The following NTRK3 variants were observed in gnomAD, a reference collection of about 807,000 sequenced individuals.
The protein encoded by NTRK3 is neurotrophic receptor tyrosine kinase 3.
NTRK3 carries 24 observed loss-of-function variants against 91.7 expected under a neutral mutation model. That is an observed-to-expected ratio of 0.26 (90% CI 0.19 to 0.37). The LOEUF (loss-of-function observed/expected upper bound fraction) is 0.37. Among genes scored for constraint, NTRK3 ranks in the 10% least tolerant of loss-of-function variants. NTRK3 has a pLI of 1.00. For synonymous variants in NTRK3, 483 were observed against 404.0 expected, an observed-to-expected ratio of 1.20 and a Z score of -2.34; for missense variants, 880 against 1,068.9, an observed-to-expected ratio of 0.82 and a Z score of 2.46.
At chr15:87,951,233 C>G (rs2071077617) in intron 14 of NTRK3, among the ~76,000 whole-genome samples, 2 of 152,210 alleles carry the variant, frequency 1.3e-5, no homozygotes, top group Admixed American at 1.3e-4. Context: ...TCCTGATCTT[C>G]TCTTTCTCTC....
At chr15:87,933,281 T>G in intron 15 of NTRK3, 97 bp from the exon 16 acceptor site, 267 of 1,133,354 alleles carry the variant, frequency 2.4e-4, no homozygotes, top group Middle Eastern at 4.2e-4. Context: ...ACCACTGGGT[T>G]ACCAATAAAT....
At position 88,071,781 on chromosome 15, in the gene NTRK3, C is replaced by A. The variant is rs1597131702; in HGVS notation, c.1397-38736G>T. ...ATTGACTACCTATGCTATAAAGGAC[C>A]ACAACTGTGCCAGAAGTAGGAATTA... On this transcript the variant is annotated intron_variant, in intron 13 of 18. Coordinates refer to ENST00000394480, the Ensembl canonical transcript of NTRK3. Among the ~76,000 whole-genome samples, 7 of 152,212 alleles carry A rather than the reference C, an allele frequency of 4.6e-5. No individual in the cohort carries two copies. In the South Asian group the frequency reaches 1.5e-3, roughly 32 times the overall value.
At chr15:88,148,723 G>A (rs991809991) in intron 5 of NTRK3, among the ~76,000 whole-genome samples, 2 of 152,158 alleles carry the variant, frequency 1.3e-5, no homozygotes, top group Non-Finnish European at 2.9e-5. Context: ...CAGCAGAGAA[G>A]TGACCTAGTC....
At chr15:88,066,583 G>A (rs1333779610) in intron 13 of NTRK3, among the ~76,000 whole-genome samples, 2 of 152,200 alleles carry the variant, frequency 1.3e-5, no homozygotes, top group African/African-American at 4.8e-5. Context: ...CCTCCTGGAT[G>A]GACAGGGAAG....
intron 3 of NTRK3, among the ~76,000 whole-genome samples, chr15:88,249,149 A>C (rs1210946953): frequency 6.6e-6 from 1 of 152,092 alleles, no homozygotes; most frequent in Non-Finnish European, 1.5e-5. Context: ...GACACTTATG[A>C]TGGGACAAGC....
intron 14 of NTRK3, among the ~76,000 whole-genome samples, chr15:88,027,036 A>G (rs1031194432): frequency 1.3e-5 from 2 of 152,152 alleles, no homozygotes; most frequent in Admixed American, 6.5e-5. Flanking sequence ...GAGCCTCTAC[A>G]AAACAAAAGA....
intron 3 of NTRK3, among the ~76,000 whole-genome samples, chr15:88,228,118 TC>T (rs2050840944): frequency 6.6e-6 from 1 of 152,116 alleles, no homozygotes; most frequent in Non-Finnish European, 1.5e-5. Flanking sequence ...ATCATGCTTT[TC>T]CTTCTCATAT....
chr15:87,926,585 G>A (rs2068329845), intron 17 of NTRK3: 1 of 152,180 alleles, frequency 6.6e-6, no homozygotes, highest in South Asian at 2.1e-4. Context: ...TTAGATAGAT[G>A]TATTCCTTGT....
chr15:88,188,426 A>G (rs970638954), intron 3 of NTRK3, among the ~76,000 whole-genome samples: 9 of 152,230 alleles, frequency 5.9e-5, no homozygotes, highest in Non-Finnish European at 1.2e-4. Flanking sequence ...GGTAGAGATT[A>G]GAGATGTTGC....
intron 5 of NTRK3, among the ~76,000 whole-genome samples, chr15:88,152,662 A>G (rs1469239080): frequency 6.6e-6 from 1 of 152,204 alleles, no homozygotes; most frequent in African/African-American, 2.4e-5. Flanking sequence ...TTGCAAATTA[A>G]TACACCTGTT....
At chr15:88,006,764 A>C (rs1318258045) in intron 14 of NTRK3, among the ~76,000 whole-genome samples, 1 of 152,228 alleles carries the variant, frequency 6.6e-6, no homozygotes, top group Non-Finnish European at 1.5e-5. Context: ...AGAAGTACGC[A>C]GAGGCACACA....
At chr15:88,089,739 T>G (rs1017930501) in intron 13 of NTRK3, among the ~76,000 whole-genome samples, 2 of 152,154 alleles carry the variant, frequency 1.3e-5, no homozygotes, top group African/African-American at 4.8e-5. Context: ...GACCCAGCAG[T>G]CCTTCCTGCT....
chr15:88,213,703 A>T (rs1015571721), intron 3 of NTRK3, among the ~76,000 whole-genome samples: 3 of 152,186 alleles, frequency 2.0e-5, no homozygotes, highest in Admixed American at 2.0e-4. Flanking sequence ...GTAAATGCTA[A>T]TACTATCACC....
chr15:88,165,188 C>A (rs988916830), intron 5 of NTRK3, among the ~76,000 whole-genome samples: 1 of 152,186 alleles, frequency 6.6e-6, no homozygotes, highest in Non-Finnish European at 1.5e-5. Flanking sequence ...TGGCCAAAGG[C>A]TGGCACTCTC....
chr15:88,069,769 T>C (rs937093465), intron 13 of NTRK3, among the ~76,000 whole-genome samples: 1 of 152,210 alleles, frequency 6.6e-6, no homozygotes, highest in Non-Finnish European at 1.5e-5. Flanking sequence ...TCTCCTTTAG[T>C]GTTTCACTGT....
At chr15:87,913,711 G>T (rs1376925616) in intron 17 of NTRK3, among the ~76,000 whole-genome samples, 1 of 152,220 alleles carries the variant, frequency 6.6e-6, no homozygotes, top group Non-Finnish European at 1.5e-5. Flanking sequence ...GGAAGCATTA[G>T]GGGCTGTAAT....
chr15:87,892,291 T>C (rs1459634795), intron 17 of NTRK3, among the ~76,000 whole-genome samples: 2 of 152,190 alleles, frequency 1.3e-5, no homozygotes, highest in Non-Finnish European at 2.9e-5. Context: ...TTTTCAATTA[T>C]TTTCAAACGA....
At chr15:88,132,771 G>A (rs1185289769) in intron 10 of NTRK3, among the ~76,000 whole-genome samples, 1 of 152,140 alleles carries the variant, frequency 6.6e-6, no homozygotes, top group Non-Finnish European at 1.5e-5. Context: ...CTTGTCACTT[G>A]GCATCGTTTC....
At chr15:88,242,386 T>A (rs183685046) in intron 3 of NTRK3, among the ~76,000 whole-genome samples, 2 of 152,278 alleles carry the variant, frequency 1.3e-5, no homozygotes, top group East Asian at 3.9e-4. Flanking sequence ...AATCTAGAAT[T>A]TTCAAAACTC....
Sources: gnomAD v4.1 joint callset for allele counts (sites outside exome capture counted in the v4.1 genomes callset) on GRCh38, gnomAD v4.1.1 for gene constraint, MANE v1.5 for transcripts, NCBI Gene and HGNC (gene_info 2026-07-23, HGNC 2026-07-21) for gene names.